DPP6: variants seen among roughly 807,000 people sequenced by gnomAD.
DPP6 encodes the protein A-type potassium channel modulatory protein DPP6.
DPP6 carries 69 observed loss-of-function variants against 122.6 expected under a neutral mutation model. That is an observed-to-expected ratio of 0.56 (90% CI 0.46 to 0.69). The LOEUF (loss-of-function observed/expected upper bound fraction) is 0.69. Among genes scored for constraint, DPP6 ranks in the 30% least tolerant of loss-of-function variants. DPP6 has a pLI of 0.00. For synonymous variants in DPP6, 418 were observed against 433.1 expected, an observed-to-expected ratio of 0.97 and a Z score of 0.43; for missense variants, 928 against 1,116.9, an observed-to-expected ratio of 0.83 and a Z score of 2.41.
Position 154,648,080 on chromosome 7 carries a change from G to A in DPP6, c.680+10207G>A, listed in dbSNP as rs1397493377. On this transcript the variant is annotated intron_variant, in intron 6 of 25. Transcript: ENST00000377770. ...AGCCTGACCAACATGGTGAAACCCC[G>A]TCTCTATTAAAATTAAAAAAAAAAA... Among the ~76,000 whole-genome samples the A allele has an allele frequency of 3.5e-4, 45 of 128,934 alleles. 1 individual carries two copies. The highest frequency in any genetic ancestry group is 2.6e-3 in the Admixed American group (30 of 11,342). The allele number at this position is 128,934 out of a possible 152,430, so 84.6% of individuals were successfully genotyped here.
At chr7:154,363,204 G>A (rs554558965) in intron 1 of DPP6, among the ~76,000 whole-genome samples, 125 of 152,306 alleles carry the variant, frequency 8.2e-4, no homozygotes, top group African/African-American at 2.8e-3. Flanking sequence ...CTGAGGGTTG[G>A]CCATGAACTG....
chr7:154,533,635 A>T (rs1190046748), intron 3 of DPP6, among the ~76,000 whole-genome samples: 1 of 152,190 alleles, frequency 6.6e-6, no homozygotes, highest in Admixed American at 6.5e-5. Context: ...TCACAAGAAA[A>T]AAAAGAATTA....
chr7:153,946,365 A>G (rs900544709), intron 1 of DPP6, among the ~76,000 whole-genome samples: 13 of 152,144 alleles, frequency 8.5e-5, no homozygotes, highest in African/African-American at 3.1e-4. Context: ...GTTCCTCCCC[A>G]TCTTAGACCA....
Position 154,066,030 on chromosome 7 carries a change from T to C in DPP6, c.243+12967T>C, listed in dbSNP as rs535756300. Among the ~76,000 whole-genome samples, 7 of 151,624 alleles carry C rather than the reference T, an allele frequency of 4.6e-5. No homozygotes were observed. In the South Asian group the frequency reaches 1.5e-3, roughly 32 times the overall value. The stretch of plus-strand genomic sequence containing the variant: ...TGACTACTGAAATATCAGCCACGGC[T>C]AGGTTCAGATTTGTTTTTTTTTTTT... On this transcript the variant is annotated intron_variant, in intron 1 of 25. Transcript: ENST00000377770.
At chr7:154,150,044 G>A (rs369719182) in intron 1 of DPP6, among the ~76,000 whole-genome samples, 3 of 152,280 alleles carry the variant, frequency 2.0e-5, no homozygotes, top group East Asian at 3.9e-4. Context: ...CCCCAGCATC[G>A]CTTGAATCTA....
At chr7:153,963,093 C>T (rs1301952306) in intron 1 of DPP6, among the ~76,000 whole-genome samples, 1 of 152,136 alleles carries the variant, frequency 6.6e-6, no homozygotes, top group Non-Finnish European at 1.5e-5. Context: ...AGACAACCTC[C>T]TAAGAACCCT....
At chr7:153,833,840 A>G in the DPP6 span, among the ~76,000 whole-genome samples, 2 of 152,218 alleles carry the variant, frequency 1.3e-5, no homozygotes, top group African/African-American at 2.4e-5. Flanking sequence ...ATTTCCTACC[A>G]GTGGGACCAA....
At chr7:153,807,872 TG>T in the DPP6 span, among the ~76,000 whole-genome samples, 2 of 151,792 alleles carry the variant, frequency 1.3e-5, no homozygotes, top group Non-Finnish European at 2.9e-5. Flanking sequence ...CTGGAAGCTG[TG>T]GGGGAGGGAT....
At chr7:153,848,267 C>G in the DPP6 span, among the ~76,000 whole-genome samples, 1 of 150,944 alleles carries the variant, frequency 6.6e-6, no homozygotes, top group African/African-American at 2.4e-5. Flanking sequence ...ACCCCTACCC[C>G]CACCCCAGTC....
chr7:153,892,348 C>A (rs1333916718), intron 1 of DPP6, among the ~76,000 whole-genome samples: 1 of 152,026 alleles, frequency 6.6e-6, no homozygotes, highest in East Asian at 1.9e-4. Flanking sequence ...GAGTCTCACT[C>A]TGTCTCCCAG....
chr7:154,634,354 T>G (rs1655717141), intron 5 of DPP6, among the ~76,000 whole-genome samples: 1 of 152,046 alleles, frequency 6.6e-6, no homozygotes, highest in African/African-American at 2.4e-5. Flanking sequence ...TCATTTTTTA[T>G]GGCTGCATAG....
At chr7:153,993,681 T>C (rs1217528789) in intron 1 of DPP6, among the ~76,000 whole-genome samples, 7 of 152,302 alleles carry the variant, frequency 4.6e-5, no homozygotes, top group Admixed American at 2.0e-4. Flanking sequence ...TGAGTTCTGG[T>C]TCCAGAGTTA....
At chr7:154,467,436 T>C (rs986932898) in intron 2 of DPP6, among the ~76,000 whole-genome samples, 10 of 152,202 alleles carry the variant, frequency 6.6e-5, no homozygotes, top group Admixed American at 1.3e-4. Context: ...TCACAAGATC[T>C]GGTTGTTTAA....
In DPP6 at chr7:154,625,728, C is replaced by T. The variant is rs981778173; in HGVS notation, c.628-12093C>T. On this transcript the variant is annotated intron_variant, in intron 5 of 25. Coordinates refer to ENST00000377770, the MANE Select transcript of DPP6 (RefSeq NM_130797.4). Reference sequence around the variant, plus strand: ...TGCTGCGGGCAGGGTGTGTGCAAGGCGCACGGTACAGACAGACCCACCCTG... The same window carrying T: ...TGCTGCGGGCAGGGTGTGTGCAAGGTGCACGGTACAGACAGACCCACCCTG... 5.9e-5 allele frequency among the ~76,000 whole-genome samples: 9 copies of T among 152,168 alleles called. No homozygotes were observed. The South Asian group carries it at 6.2e-4, about 10-fold the overall frequency.
At chr7:154,063,687 A>T (rs1296641442) in intron 1 of DPP6, among the ~76,000 whole-genome samples, 1 of 135,370 alleles carries the variant, frequency 7.4e-6, no homozygotes, top group African/African-American at 2.8e-5. Context: ...CAGCGGGGGG[A>T]GGCACCTCCC....
At chr7:154,366,119 G>C (rs1293300091) in intron 1 of DPP6, among the ~76,000 whole-genome samples, 2 of 152,150 alleles carry the variant, frequency 1.3e-5, no homozygotes, top group African/African-American at 2.4e-5. Context: ...CCAGAGCCTG[G>C]CTCTGAGCAA....
intron 1 of DPP6, among the ~76,000 whole-genome samples, chr7:154,079,077 T>C (rs1803798220): frequency 6.6e-6 from 1 of 151,712 alleles, no homozygotes; most frequent in African/African-American, 2.4e-5. Flanking sequence ...GCCAACATGG[T>C]GAAACCCTGT....
intron 1 of DPP6, among the ~76,000 whole-genome samples, chr7:154,290,565 C>A (rs1038965754): frequency 6.6e-6 from 1 of 151,572 alleles, no homozygotes; most frequent in African/African-American, 2.4e-5. Flanking sequence ...TCCCTTGGAC[C>A]CGGGAGGTGG....
At chr7:154,430,037 C>T (rs536992968) in intron 1 of DPP6, among the ~76,000 whole-genome samples, 35 of 152,250 alleles carry the variant, frequency 2.3e-4, no homozygotes, top group African/African-American at 7.2e-4. Flanking sequence ...TCCACCCTCC[C>T]AGTTCTCAGC....
Sources: allele counts gnomAD v4.1 joint callset (sites outside exome capture counted in the v4.1 genomes callset), GRCh38; gene constraint gnomAD v4.1.1; transcripts MANE v1.5; gene names NCBI Gene and HGNC (gene_info 2026-07-23, HGNC 2026-07-21).